HTR4: variants seen among roughly 807,000 people sequenced by gnomAD.
HTR4 encodes the protein 5-hydroxytryptamine receptor 4.
HTR4 carries 16 observed loss-of-function variants against 36.8 expected under a neutral mutation model. The ratio of observed to expected loss-of-function variants is 0.43; its 90% CI spans 0.29 to 0.66. The LOEUF (loss-of-function observed/expected upper bound fraction) is 0.66. Among genes scored for constraint, HTR4 ranks in the 30% least tolerant of loss-of-function variants. The pLI is 0.13. For missense variants in HTR4, 438 were observed against 490.9 expected (o/e 0.89, Z 1.02); for synonymous variants, 189 against 185.1 (o/e 1.02, Z -0.17).
intron 2 of HTR4, among the ~76,000 whole-genome samples, chr5:148,613,275 T>A (rs933252752): frequency 1.5e-5 from 2 of 132,534 alleles, no homozygotes; most frequent in Non-Finnish European, 3.2e-5. Flanking sequence ...GATGCAAAAA[T>A]CCTCAATAAA....
At chr5:148,473,346 T>C (rs1171515512), downstream of HTR4, among the ~76,000 whole-genome samples, 1 of 150,466 alleles carries the variant, frequency 6.6e-6, no homozygotes, top group Non-Finnish European at 1.5e-5. Flanking sequence ...GTAGTTGTCC[T>C]CATATGAAGT....
intron 6 of HTR4, among the ~76,000 whole-genome samples, chr5:148,500,886 T>G (rs892811685): frequency 6.6e-6 from 1 of 152,144 alleles, no homozygotes; most frequent in South Asian, 2.1e-4. Flanking sequence ...TGAGGAGAAC[T>G]CACACTCACA....
intron 1 of HTR4, 101 bp downstream of exon 1, chr5:148,653,961 C>A: frequency 1.3e-6 from 1 of 785,914 alleles, no homozygotes; most frequent in Non-Finnish European, 1.5e-6. Context: ...TCCAGAACCC[C>A]CAAGCCCCCG....
intron 2 of HTR4, among the ~76,000 whole-genome samples, chr5:148,620,709 A>G (rs1193495164): frequency 1.3e-5 from 2 of 152,238 alleles, no homozygotes; most frequent in African/African-American, 4.8e-5. Context: ...TTAAAATCAC[A>G]TATGTGGCTA....
intron 5 of HTR4, among the ~76,000 whole-genome samples, chr5:148,452,982 G>A (rs1231864485): frequency 6.6e-6 from 1 of 152,194 alleles, no homozygotes; most frequent in African/African-American, 2.4e-5. Flanking sequence ...CAAACCAAAT[G>A]TCTGCTTTGT....
intron 5 of HTR4, among the ~76,000 whole-genome samples, chr5:148,510,624 A>C (rs969489636): frequency 2.6e-5 from 4 of 152,240 alleles, no homozygotes; most frequent in African/African-American, 9.6e-5. Flanking sequence ...GCTCAGATAT[A>C]TGCATTTTAA....
chr5:148,502,103 ACT>A (rs1479491372), intron 6 of HTR4, among the ~76,000 whole-genome samples: 2 of 151,698 alleles, frequency 1.3e-5, no homozygotes, highest in Admixed American at 1.3e-4. Flanking sequence ...GCAGCAGAAA[ACT>A]CTGCAGACTT....
At chr5:148,514,246 T>C (rs3857429) in intron 5 of HTR4, among the ~76,000 whole-genome samples, 75,954 of 151,934 alleles carry the variant, frequency 0.5, 20,052 homozygotes, top group African/African-American at 0.68. Flanking sequence ...TGTATGTCAA[T>C]GCCCTCTACT....
chr5:148,550,309 A>G (rs762144160), intron 2 of HTR4, 47 bp from the exon 3 acceptor site: 14 of 1,606,356 alleles, frequency 8.7e-6, no homozygotes, highest in Non-Finnish European at 9.4e-6. Flanking sequence ...ACTCTGGGAC[A>G]CAAGAAGGAA....
chr5:148,497,893 G>T (rs1183440237), intron 6 of HTR4, among the ~76,000 whole-genome samples: 1 of 152,166 alleles, frequency 6.6e-6, no homozygotes, highest in Non-Finnish European at 1.5e-5. Context: ...GCTATATTTA[G>T]AAGACTATGT....
At chr5:148,461,035 T>C (rs1318532035) in intron 5 of HTR4, among the ~76,000 whole-genome samples, 4 of 152,054 alleles carry the variant, frequency 2.6e-5, no homozygotes, top group African/African-American at 9.6e-5. Flanking sequence ...AAAAGTTGTA[T>C]AGTATCATTT....
At chr5:148,542,648 A>T (rs540586021) in intron 4 of HTR4, among the ~76,000 whole-genome samples, 97 of 152,010 alleles carry the variant, frequency 6.4e-4, no homozygotes, top group African/African-American at 2.3e-3. Flanking sequence ...CTTTTTTTTT[A>T]AAAAGGGAAT....
chr5:148,576,121 A>AAAACAAAC (rs773193297), intron 2 of HTR4, among the ~76,000 whole-genome samples: 3 of 128,500 alleles, frequency 2.3e-5, no homozygotes, highest in African/African-American at 1.0e-4. Context: ...AAAAAAAAAA[A>AAAACAAAC]AAAAAAAAAA....
intron 4 of HTR4, among the ~76,000 whole-genome samples, chr5:148,544,766 G>A (rs1759306593): frequency 6.6e-6 from 1 of 152,194 alleles, no homozygotes; most frequent in African/African-American, 2.4e-5. Flanking sequence ...GCTGAGAATG[G>A]GAGTTGGGAA....
At chr5:148,536,184 A>T (rs894426014) in intron 4 of HTR4, among the ~76,000 whole-genome samples, 1 of 152,154 alleles carries the variant, frequency 6.6e-6, no homozygotes, top group African/African-American at 2.4e-5. Context: ...ATAAGCAAAT[A>T]TTGAGGGAGT....
Position 148,509,987 on chromosome 5 carries a change from G to T in HTR4, c.545C>A (p.Thr182Lys). The change falls in exon 6 of 7, where the codon ACG (threonine) becomes AAG (lysine). Residue 182 changes from threonine to lysine, a missense_variant. Thr to Lys is a moderately conservative substitution (Grantham distance 78, BLOSUM62 -1). Transcript: ENST00000377888. ...KRKFNQNSNS[T>K]YCVFMVNKPY... The stretch of plus-strand genomic sequence containing the variant: ...CTTGTTGACCATGAAGACACAGTAC[G>T]TAGAGTTAGAGTTCTGGTTGAACTT... 6 of 1,613,606 alleles carry T rather than the reference G, an allele frequency of 3.7e-6. No individual in the cohort carries two copies. Among genetic ancestry groups the T allele is most frequent in the Non-Finnish European group, 5.1e-6 (6 of 1,179,778 alleles).
chr5:148,511,492 T>C (rs948659376), intron 5 of HTR4, among the ~76,000 whole-genome samples: 2 of 152,192 alleles, frequency 1.3e-5, no homozygotes, highest in Admixed American at 6.5e-5. Flanking sequence ...TTCTTTTTCA[T>C]TGTAGTATAA....
chr5:148,585,935 T>C (rs1206464607), intron 2 of HTR4, among the ~76,000 whole-genome samples: 1 of 152,170 alleles, frequency 6.6e-6, no homozygotes, highest in Non-Finnish European at 1.5e-5. Flanking sequence ...GACTCTTACT[T>C]CTGGTTGGCC....
At chr5:148,501,287 T>C (rs1756923151) in intron 6 of HTR4, among the ~76,000 whole-genome samples, 1 of 152,102 alleles carries the variant, frequency 6.6e-6, no homozygotes. Flanking sequence ...TTACATAGAG[T>C]GAGAAAAAGT....
Sources: allele counts gnomAD v4.1 joint callset (sites outside exome capture counted in the v4.1 genomes callset), GRCh38; gene constraint gnomAD v4.1.1; transcripts MANE v1.5; gene names NCBI Gene and HGNC (gene_info 2026-07-23, HGNC 2026-07-21).